The following TAFA4 variants were observed in gnomAD, a reference collection of about 807,000 sequenced individuals.
TAFA4 encodes the protein TAFA chemokine like family member 4, also known as chemokine-like protein TAFA-4.
A neutral mutation model predicts 21.1 loss-of-function variants in TAFA4; 20 were observed. The ratio of observed to expected loss-of-function variants is 0.95; its 90% confidence interval spans 0.67 to 1.38. TAFA4 has a LOEUF of 1.38. Among genes scored for constraint, TAFA4 ranks in the 40% most tolerant of loss-of-function variants. TAFA4 has a pLI of 0.00. For missense variants in TAFA4, 211 were observed against 180.9 expected, an observed-to-expected ratio of 1.17 and a Z score of -0.95; for synonymous variants, 71 against 67.4, an observed-to-expected ratio of 1.05 and a Z score of -0.26.
chr3:68,740,294 T>G (rs2106730360), intron 4 of TAFA4, among the ~76,000 whole-genome samples: 1 of 152,356 alleles, frequency 6.6e-6, no homozygotes, highest in Middle Eastern at 3.4e-3. Flanking sequence ...GTATTGCAAC[T>G]GGTTCTTAAG....
chr3:68,922,229 T>G (rs138752729), intron 1 of TAFA4, among the ~76,000 whole-genome samples: 1 of 152,216 alleles, frequency 6.6e-6, no homozygotes, highest in East Asian at 1.9e-4. Context: ...CGGCACCTCA[T>G]GGGAGCCTCC....
intron 3 of TAFA4, among the ~76,000 whole-genome samples, chr3:68,822,175 G>A (rs897324554): frequency 7.9e-5 from 12 of 152,192 alleles, no homozygotes; most frequent in Non-Finnish European, 1.8e-4. Flanking sequence ...AACAGTGAAT[G>A]GGATATAAAC....
chr3:68,900,526 T>C (rs2089835475), intron 1 of TAFA4, among the ~76,000 whole-genome samples: 1 of 152,102 alleles, frequency 6.6e-6, no homozygotes, highest in Non-Finnish European at 1.5e-5. Flanking sequence ...CAAATATTAC[T>C]GCCTCAGAGA....
Position 68,757,925 on chromosome 3 carries a change from A to AT in TAFA4, c.131-4908dup, listed in dbSNP as rs908364376. Among the ~76,000 whole-genome samples the AT allele has an allele frequency of 7.2e-3, 1,076 of 150,160 alleles. 10 individuals are homozygous for AT. The highest frequency in any genetic ancestry group is 0.025 in the African/African-American group (1,005 of 41,010). The stretch of plus-strand genomic sequence containing the variant: ...AATATAGGTTTTAGGTACTGTTTGA[A>AT]TTTTTTTTTTGTTACAAATATCCTG... On this transcript the variant is annotated intron_variant, in intron 3 of 5. Coordinates refer to ENST00000295569, the MANE Select transcript of TAFA4 (RefSeq NM_182522.5).
At chr3:68,893,327 T>G (rs572799017) in intron 1 of TAFA4, among the ~76,000 whole-genome samples, 1 of 152,202 alleles carries the variant, frequency 6.6e-6, no homozygotes, top group Non-Finnish European at 1.5e-5. Flanking sequence ...ATCATTACTA[T>G]GGGCAAGTGG....
chr3:68,921,250 C>G (rs2090058552), intron 1 of TAFA4, among the ~76,000 whole-genome samples: 1 of 152,078 alleles, frequency 6.6e-6, no homozygotes, highest in African/African-American at 2.4e-5. Context: ...GACTCTGACC[C>G]AGTCCATCCG....
chr3:68,871,206 G>C (rs1448944439), intron 3 of TAFA4, among the ~76,000 whole-genome samples: 1 of 152,116 alleles, frequency 6.6e-6, no homozygotes, highest in Non-Finnish European at 1.5e-5. Flanking sequence ...CCATTACTGA[G>C]TATATACCCA....
chr3:68,766,777 C>A (rs1371642093), intron 3 of TAFA4, among the ~76,000 whole-genome samples: 2 of 149,262 alleles, frequency 1.3e-5, no homozygotes, highest in African/African-American at 5.0e-5. Flanking sequence ...GAAGAGCAGA[C>A]CTACACCAAG....
intron 3 of TAFA4, among the ~76,000 whole-genome samples, chr3:68,850,728 G>A (rs1260789102): frequency 8.4e-6 from 1 of 118,448 alleles, no homozygotes; most frequent in African/African-American, 3.4e-5. Flanking sequence ...ATTTTTAACA[G>A]GGTTTTTTTT....
intron 4 of TAFA4, among the ~76,000 whole-genome samples, 173 bp from the exon 5 acceptor site, chr3:68,739,372 T>A (rs1406947684): frequency 6.6e-6 from 1 of 152,226 alleles, no homozygotes; most frequent in Non-Finnish European, 1.5e-5. Context: ...TTCATTTTTT[T>A]ATTAAAAATT....
At chr3:68,926,410 C>G (rs2107033264) in intron 1 of TAFA4, among the ~76,000 whole-genome samples, 1 of 152,062 alleles carries the variant, frequency 6.6e-6, no homozygotes, top group East Asian at 1.9e-4. Context: ...CAGGTATGTA[C>G]TATTTTTATA....
chr3:68,829,893 ACTT>A, intron 3 of TAFA4, among the ~76,000 whole-genome samples: 1 of 152,160 alleles, frequency 6.6e-6, no homozygotes, highest in African/African-American at 2.4e-5. Flanking sequence ...CAGAGATTCA[ACTT>A]CTTCCTGGTT....
At chr3:68,883,569 A>T (rs1327835335) in intron 2 of TAFA4, among the ~76,000 whole-genome samples, 1 of 152,244 alleles carries the variant, frequency 6.6e-6, no homozygotes, top group Non-Finnish European at 1.5e-5. Flanking sequence ...CAATTAAAAT[A>T]TTTAAAATAA....
intron 3 of TAFA4, among the ~76,000 whole-genome samples, chr3:68,830,041 T>C (rs1704345735): frequency 6.6e-6 from 1 of 152,192 alleles, no homozygotes; most frequent in Admixed American, 6.5e-5. Flanking sequence ...ATATCCCTTT[T>C]TTCAGGTTTT....
chr3:68,904,252 C>T (rs952693344), intron 1 of TAFA4, among the ~76,000 whole-genome samples: 1 of 152,140 alleles, frequency 6.6e-6, no homozygotes, highest in African/African-American at 2.4e-5. Context: ...AATCTAAAAG[C>T]CTGTGCTATA....
rs370562897 is a variant in TAFA4, at chr3:68,820,219, T to C, written c.130+60511A>G. Among the ~76,000 whole-genome samples the C allele has an allele frequency of 7.2e-5, 11 of 152,258 alleles. No homozygotes were observed. In the East Asian group the frequency reaches 2.1e-3, roughly 29 times the overall value. ...AATATTGTATGACCTCAGTTACTTG[T>C]GGAATCTAAAAATGTTGAACTCATA... On this transcript the variant is annotated intron_variant, in intron 3 of 5. Coordinates refer to ENST00000295569, the MANE Select transcript of TAFA4 (RefSeq NM_182522.5).
intron 3 of TAFA4, among the ~76,000 whole-genome samples, chr3:68,842,492 T>G (rs554952179): frequency 2.6e-5 from 4 of 152,222 alleles, no homozygotes; most frequent in Admixed American, 1.3e-4. Flanking sequence ...ATTCTGTAGG[T>G]TGCCTATTCA....
At chr3:68,838,635 T>C (rs1704579528) in intron 3 of TAFA4, among the ~76,000 whole-genome samples, 1 of 152,202 alleles carries the variant, frequency 6.6e-6, no homozygotes, top group South Asian at 2.1e-4. Flanking sequence ...TTGTCACATA[T>C]TATTCTCTCA....
intron 3 of TAFA4, among the ~76,000 whole-genome samples, chr3:68,858,363 G>A (rs908104215): frequency 6.6e-6 from 1 of 151,932 alleles, no homozygotes; most frequent in African/African-American, 2.4e-5. Context: ...ATGCTGGAAC[G>A]CAGATTAATA....
Sources: allele counts gnomAD v4.1 joint callset (sites outside exome capture counted in the v4.1 genomes callset), GRCh38; gene constraint gnomAD v4.1.1; transcripts MANE v1.5; gene names NCBI Gene and HGNC (gene_info 2026-07-23, HGNC 2026-07-21).